CCR9: variants seen among roughly 807,000 people sequenced by gnomAD.
The protein encoded by CCR9 is C-C motif chemokine receptor 9.
A neutral mutation model predicts 8.7 loss-of-function variants in CCR9; 4 were observed. That is an observed-to-expected ratio of 0.46 (90% CI 0.23 to 1.06). CCR9 has a LOEUF of 1.06. Among genes scored for constraint, CCR9 ranks in the 50% least tolerant of loss-of-function variants. The probability of loss-of-function intolerance (pLI) is 0.21; values close to 1 mark genes in which losing one functional copy is unlikely to be tolerated. For missense variants in CCR9, 394 were observed against 453.6 expected (o/e 0.87, Z 1.19); for synonymous variants, 159 against 168.8 (o/e 0.94, Z 0.45).
At chr3:45,898,073 G>T (rs1702423534) in intron 2 of CCR9, among the ~76,000 whole-genome samples, 1 of 151,670 alleles carries the variant, frequency 6.6e-6, no homozygotes, top group Non-Finnish European at 1.5e-5. Context: ...TCATTGTGTG[G>T]ATTCACAGTC....
chr3:45,893,138 C>T (rs892939799), intron 1 of CCR9, among the ~76,000 whole-genome samples: 4 of 151,846 alleles, frequency 2.6e-5, no homozygotes, highest in Admixed American at 1.3e-4. Flanking sequence ...CCACACTCCC[C>T]TTCCCTCTCT....
intron 2 of CCR9, chr3:45,897,703 A>G (rs1344896048): frequency 8.7e-7 from 1 of 1,144,068 alleles, no homozygotes; most frequent in East Asian, 2.7e-5. Context: ...CAGGAACCAA[A>G]GTCGTCCCTT....
At chr3:45,891,468 G>A (rs1430292397) in intron 1 of CCR9, among the ~76,000 whole-genome samples, 1 of 151,552 alleles carries the variant, frequency 6.6e-6, no homozygotes, top group Non-Finnish European at 1.5e-5. Flanking sequence ...TTAATTTTTT[G>A]CATTTTTTGC....
chr3:45,896,950 G>A (rs145687652), intron 2 of CCR9, among the ~76,000 whole-genome samples: 1 of 152,206 alleles, frequency 6.6e-6, no homozygotes, highest in Non-Finnish European at 1.5e-5. Context: ...ATGAGCCAGA[G>A]AAGGAGGCCC....
chr3:45,901,315 C>T lies in CCR9; in HGVS notation c.527C>T (p.Ala176Val). 6.2e-7 allele frequency: 1 copy of T among 1,614,170 alleles called. No individual in the cohort carries two copies. Among genetic ancestry groups the T allele is most frequent in the East Asian group, 2.2e-5 (1 of 44,878 alleles). The change falls in exon 3 of 3, where the codon GCA becomes GTA. Residue 176 changes from alanine to valine, a missense_variant. Ala to Val is a moderately conservative substitution (Grantham distance 64). Coordinates refer to ENST00000357632, the MANE Select transcript of CCR9 (RefSeq NM_031200.3). The surrounding 1 kb of genome is among the most constrained non-coding windows in gnomAD (Gnocchi z 4.3). ...GTTTGCTTTACCATCTGGGTATTGG[C>T]AGCTGCTCTCTGCATCCCAGAAATC... Reference protein sequence around the residue: ...KMVCFTIWVLAAALCIPEILY... With the variant: ...KMVCFTIWVLVAALCIPEILY...
chr3:45,888,859 G>A (rs905226414), intron 1 of CCR9, among the ~76,000 whole-genome samples: 1 of 152,102 alleles, frequency 6.6e-6, no homozygotes, highest in Non-Finnish European at 1.5e-5. Context: ...CTCTAGGGAG[G>A]GGTATGTCCT....
At chr3:45,899,747 G>A (rs148322161) in intron 2 of CCR9, among the ~76,000 whole-genome samples, 122 of 152,176 alleles carry the variant, frequency 8.0e-4, no homozygotes, top group Non-Finnish European at 1.6e-3. Context: ...GGCATGGCAC[G>A]GACTCTCCCC....
intron 2 of CCR9, among the ~76,000 whole-genome samples, chr3:45,895,930 C>T (rs139827904): frequency 3.9e-5 from 6 of 152,222 alleles, no homozygotes; most frequent in Non-Finnish European, 5.9e-5. Context: ...GACTTCCTAG[C>T]AGGCGGGCTA....
chr3:45,896,688 T>A (rs962757473), intron 2 of CCR9, among the ~76,000 whole-genome samples: 1 of 152,186 alleles, frequency 6.6e-6, no homozygotes, highest in African/African-American at 2.4e-5. Flanking sequence ...GTCTCAATGT[T>A]GGGATTTAAT....
intron 2 of CCR9, among the ~76,000 whole-genome samples, chr3:45,896,063 AC>A (rs1702346841): frequency 6.6e-6 from 1 of 152,256 alleles, no homozygotes; most frequent in South Asian, 2.1e-4. Flanking sequence ...ATGTATAGTT[AC>A]CTAATTGCAC....
chr3:45,902,052 A>G lies in CCR9; in HGVS notation c.*154A>G. 1 of 692,130 alleles carries G rather than the reference A, an allele frequency of 1.4e-6. No individual in the cohort carries two copies. The highest frequency in any genetic ancestry group is 2.4e-6 in the Non-Finnish European group (1 of 421,944). The allele number at this position is 692,130 out of a possible 1,614,324, so 42.9% of individuals were successfully genotyped here. The stretch of plus-strand genomic sequence containing the variant: ...GATTACTTGTAGTCAGAATTTGCCA[A>G]AGCAAATATTTCAAAATCAACTGAC... On this transcript the variant is annotated 3_prime_UTR_variant, in exon 3 of 3. Coordinates refer to ENST00000357632, the MANE Select transcript of CCR9 (RefSeq NM_031200.3).
intron 2 of CCR9, among the ~76,000 whole-genome samples, chr3:45,895,856 G>A (rs1702336580): frequency 6.6e-6 from 1 of 151,944 alleles, no homozygotes; most frequent in Admixed American, 6.6e-5. Context: ...AATTACCTAA[G>A]GGCTTTGATT....
chr3:45,891,129 G>A (rs954754309), intron 1 of CCR9, among the ~76,000 whole-genome samples: 4 of 152,218 alleles, frequency 2.6e-5, no homozygotes, highest in African/African-American at 9.7e-5. Context: ...TCAGATAAAT[G>A]TCAGTGTTTT....
chr3:45,890,352 T>TATATATAAATATATATATATATAAC (rs1702137974), intron 1 of CCR9, among the ~76,000 whole-genome samples: 1 of 16,192 alleles, frequency 6.2e-5, no homozygotes, highest in South Asian at 1.1e-3. Flanking sequence ...ATATATAACA[T>TATATATAAATATATATATATATAAC]ATATATATAT....
rs1702514045 is a variant in CCR9, at chr3:45,900,417, C to A, written c.22-393C>A. On this transcript the variant is annotated intron_variant, in intron 2 of 2. Coordinates refer to ENST00000357632, the MANE Select transcript of CCR9 (RefSeq NM_031200.3). This position sits in a 1 kb window ranked among gnomAD's most constrained non-coding sequence, Gnocchi z 4.7. ...TAGATAGGAGAAGTACGATCACAGTCATATCACAGTTTGATAAAACTGCCC... is the reference window on the plus strand; with the variant it reads ...TAGATAGGAGAAGTACGATCACAGTAATATCACAGTTTGATAAAACTGCCC... 6.6e-6 allele frequency among the ~76,000 whole-genome samples: 1 copy of A among 152,076 alleles called. No homozygotes were observed. Among genetic ancestry groups the A allele is most frequent in the South Asian group, 2.1e-4 (1 of 4,820 alleles).
At position 45,893,299 on chromosome 3, in the gene CCR9, C is replaced by T. The variant is rs6800925; in HGVS notation, c.-28-1607C>T. Reference sequence around the variant, plus strand: ...CCTCCTGAGTAGCTGAGACTACAGGCGCACACCACCACACCTGGCTAATTT... The same window carrying T: ...CCTCCTGAGTAGCTGAGACTACAGGTGCACACCACCACACCTGGCTAATTT... On this transcript the variant is annotated intron_variant, in intron 1 of 2. Transcript: ENST00000357632. Among the ~76,000 whole-genome samples the T allele has an allele frequency of 5.9e-3, 902 of 152,198 alleles. 8 individuals are homozygous for T. Among genetic ancestry groups the T allele is most frequent in the African/African-American group, 0.02 (829 of 41,522 alleles).
chr3:45,901,111 C>T lies in CCR9; in HGVS notation c.323C>T (p.Ala108Val), dbSNP rs1337551006. Residue 108 changes from alanine to valine, a missense_variant, in exon 3 of 3, where the codon GCT becomes GTT. Transcript: ENST00000357632. The surrounding 1 kb of genome is among the most constrained non-coding windows in gnomAD (Gnocchi z 4.3). ...ACTCTTCCCTTCTGGGCCATTGCTG[C>T]TGCTGACCAGTGGAAGTTCCAGACC... ...LVTLPFWAIA[A>V]ADQWKFQTFM... 2.5e-6 allele frequency: 4 copies of T among 1,614,032 alleles called. No homozygotes were observed. The African/African-American group carries it at 5.3e-5, about 22-fold the overall frequency.
intron 1 of CCR9, among the ~76,000 whole-genome samples, chr3:45,893,098 T>G (rs1452114003): frequency 6.6e-6 from 1 of 151,974 alleles, no homozygotes; most frequent in Non-Finnish European, 1.5e-5. Flanking sequence ...CACTGAGGTT[T>G]CCTTTGTACC....
chr3:45,897,301 G>T (rs1702386897), intron 2 of CCR9, among the ~76,000 whole-genome samples: 1 of 152,132 alleles, frequency 6.6e-6, no homozygotes. Flanking sequence ...TAGATTTGGG[G>T]TGTAAAATTC....
Sources: gnomAD v4.1 joint callset for allele counts (sites outside exome capture counted in the v4.1 genomes callset) on GRCh38, gnomAD v4.1.1 for gene constraint, Gnocchi (gnomAD v3.1) non-coding constraint, MANE v1.5 for transcripts, NCBI Gene and HGNC (gene_info 2026-07-23, HGNC 2026-07-21) for gene names.